RTL4: variants seen among roughly 807,000 people sequenced by gnomAD.
The protein encoded by RTL4 is retrotransposon Gag like 4, also known as retrotransposon Gag-like protein 4.
RTL4 carries 4 observed loss-of-function variants against 5.3 expected under a neutral mutation model. The observed-to-expected ratio is 0.75, with a 90% confidence interval of 0.37 to 1.72. RTL4 has a LOEUF of 1.72. Ranked by LOEUF, RTL4 falls within the 40% of genes most tolerant of loss-of-function variation. The probability of loss-of-function intolerance (pLI) is 0.04; values close to 1 mark genes in which losing one functional copy is unlikely to be tolerated. For synonymous variants in RTL4, 98 were observed against 87.3 expected, an observed-to-expected ratio of 1.12 and a Z score of -0.68; for missense variants, 260 against 227.1, an observed-to-expected ratio of 1.14 and a Z score of -0.93.
the RTL4 span, among the ~76,000 whole-genome samples, chrX:112,306,052 T>C: frequency 3.6e-5 from 4 of 111,343 alleles, no homozygotes; most frequent in Non-Finnish European, 7.5e-5. Flanking sequence ...TGAGATGGGA[T>C]ATGCAGAGAT....
the RTL4 span, among the ~76,000 whole-genome samples, chrX:112,263,015 G>A: frequency 4.3e-5 from 4 of 93,198 alleles, no homozygotes; most frequent in Non-Finnish European, 8.4e-5. Context: ...AGAACACTTG[G>A]ACACAGGAAG....
At chrX:112,246,840 C>T in the RTL4 span, among the ~76,000 whole-genome samples, 60 of 111,387 alleles carry the variant, frequency 5.4e-4, no homozygotes, top group African/African-American at 1.6e-3. Flanking sequence ...TGTTCCTATT[C>T]GGCCATCTTG....
At chrX:112,393,019 C>A in the RTL4 span, among the ~76,000 whole-genome samples, 1 of 110,768 alleles carries the variant, frequency 9.0e-6, no homozygotes, top group African/African-American at 3.3e-5. Flanking sequence ...GGCCAGAGAG[C>A]ACTGACAGGG....
At chrX:112,182,016 C>T in the RTL4 span, among the ~76,000 whole-genome samples, 1 of 111,424 alleles carries the variant, frequency 9.0e-6, no homozygotes, top group Non-Finnish European at 1.9e-5. Context: ...TTCTAGAGAC[C>T]CCGCTGGTGA....
the RTL4 span, among the ~76,000 whole-genome samples, chrX:112,199,788 T>A: frequency 8.9e-6 from 1 of 111,826 alleles, no homozygotes; most frequent in South Asian, 3.8e-4. Flanking sequence ...TTATCAATAA[T>A]GATAGATACT....
chrX:112,084,232 C>A, the RTL4 span, among the ~76,000 whole-genome samples: 1 of 111,343 alleles, frequency 9.0e-6, no homozygotes, highest in African/African-American at 3.3e-5. Context: ...CTCCTCCTAG[C>A]CTACCTTGGA....
the RTL4 span, among the ~76,000 whole-genome samples, chrX:112,214,454 G>A: frequency 8.9e-6 from 1 of 112,100 alleles, no homozygotes; most frequent in African/African-American, 3.2e-5. Flanking sequence ...TTGGCTACTA[G>A]GAATAATGCT....
At chrX:112,136,873 A>C in the RTL4 span, among the ~76,000 whole-genome samples, 1 of 111,978 alleles carries the variant, frequency 8.9e-6, no homozygotes, top group East Asian at 2.8e-4. Flanking sequence ...ATATAGACCA[A>C]TGGAACAAAA....
the RTL4 span, among the ~76,000 whole-genome samples, chrX:112,322,742 T>C: frequency 9.0e-6 from 1 of 111,721 alleles, no homozygotes; most frequent in African/African-American, 3.2e-5. Flanking sequence ...CTCATACATG[T>C]ACACACATAT....
At chrX:112,305,078 T>A in the RTL4 span, among the ~76,000 whole-genome samples, 1 of 110,501 alleles carries the variant, frequency 9.0e-6, no homozygotes, top group African/African-American at 3.3e-5. Flanking sequence ...CTCCATAACA[T>A]AAGAATCTAC....
the RTL4 span, among the ~76,000 whole-genome samples, chrX:112,246,675 C>A: frequency 9.0e-6 from 1 of 111,653 alleles, no homozygotes; most frequent in Non-Finnish European, 1.9e-5. Context: ...TTGCACTTCC[C>A]GGGTGAGGCG....
chrX:112,313,393 G>A, the RTL4 span, among the ~76,000 whole-genome samples: 1 of 111,215 alleles, frequency 9.0e-6, no homozygotes, highest in Non-Finnish European at 1.9e-5. Flanking sequence ...CTCTGATGTG[G>A]TACTTCATGC....
the RTL4 span, among the ~76,000 whole-genome samples, chrX:112,349,922 G>C: frequency 9.1e-6 from 1 of 110,385 alleles, no homozygotes; most frequent in Non-Finnish European, 1.9e-5. Flanking sequence ...TGGTGAGAGA[G>C]GGCATCCCTG....
chrX:112,305,914 G>A, the RTL4 span, among the ~76,000 whole-genome samples: 1 of 111,511 alleles, frequency 9.0e-6, no homozygotes, highest in African/African-American at 3.3e-5. Context: ...CAATCAAACC[G>A]TTTGGCCTCT....
the RTL4 span, among the ~76,000 whole-genome samples, chrX:112,269,578 G>A: frequency 8.9e-6 from 1 of 111,829 alleles, no homozygotes; most frequent in South Asian, 3.7e-4. Flanking sequence ...ATTATGGAAG[G>A]TAGATAATGT....
the RTL4 span, among the ~76,000 whole-genome samples, chrX:112,291,098 G>T: frequency 2.4e-4 from 27 of 111,293 alleles, no homozygotes; most frequent in Admixed American, 4.8e-4. Context: ...GGCAGGACCA[G>T]CTCTGAGTAG....
chrX:112,388,809 T>C, the RTL4 span, among the ~76,000 whole-genome samples: 1 of 111,707 alleles, frequency 9.0e-6, no homozygotes, highest in Non-Finnish European at 1.9e-5. Flanking sequence ...TTAAATTCGG[T>C]TTGCAAGTAT....
the RTL4 span, among the ~76,000 whole-genome samples, chrX:112,267,242 C>T: frequency 4.5e-5 from 5 of 112,137 alleles, no homozygotes; most frequent in Non-Finnish European, 9.4e-5. Flanking sequence ...CAGGCTTTTG[C>T]CTCGATCACT....
At chrX:112,350,660 G>A in the RTL4 span, among the ~76,000 whole-genome samples, 1 of 111,629 alleles carries the variant, frequency 9.0e-6, no homozygotes, top group Non-Finnish European at 1.9e-5. Flanking sequence ...GCGTAGAGGT[G>A]TTTGTAGTAT....
Sources: allele counts gnomAD v4.1 joint callset (sites outside exome capture counted in the v4.1 genomes callset), GRCh38; gene constraint gnomAD v4.1.1; transcripts MANE v1.5; gene names NCBI Gene and HGNC (gene_info 2026-07-23, HGNC 2026-07-21).